Variants in CHD8 observed in about 807,000 individuals in gnomAD.
CHD8 encodes chromodomain helicase DNA binding protein 8, also known as ATP-dependent chromatin remodeler CHD8.
A neutral mutation model predicts 279.2 loss-of-function variants in CHD8; 31 were observed. That is an observed-to-expected ratio of 0.11 (90% CI 0.08 to 0.15). The LOEUF is 0.15. Ranked by LOEUF, CHD8 falls within the 10% of genes least tolerant of loss-of-function variation. CHD8 has a pLI of 1.00. For synonymous variants in CHD8, 1,081 were observed against 1,139.6 expected (o/e 0.95, Z 1.04); for missense variants, 2,146 against 3,230.5 (o/e 0.66, Z 8.14).
intron 1 of CHD8, among the ~76,000 whole-genome samples, chr14:21,432,999 T>G (rs775654530): frequency 6.6e-6 from 1 of 152,178 alleles, no homozygotes; most frequent in Non-Finnish European, 1.5e-5. Context: ...ATGTATGCAA[T>G]GTACACCCTC....
At chr14:21,437,144 G>T in intron 1 of CHD8, 2 of 1,047,032 alleles carry the variant, frequency 1.9e-6, no homozygotes, top group Non-Finnish European at 2.5e-6. Context: ...AAGCCCTGAA[G>T]GAGAAAACGA....
At chr14:21,445,103 C>T (rs1890080320) in intron 1 of CHD8, among the ~76,000 whole-genome samples, 1 of 152,186 alleles carries the variant, frequency 6.6e-6, no homozygotes, top group African/African-American at 2.4e-5. Flanking sequence ...TTTAAATTCC[C>T]ATCTTTACCT....
chr14:21,413,868 A>C (rs1443674249), intron 9 of CHD8: 1 of 155,080 alleles, frequency 6.4e-6, no homozygotes, highest in East Asian at 1.9e-4. Context: ...ATCTTGCTCC[A>C]GTGTTTAGGG....
intron 10 of CHD8, among the ~76,000 whole-genome samples, chr14:21,410,686 C>G (rs1281836514): frequency 6.6e-6 from 1 of 152,206 alleles, no homozygotes; most frequent in African/African-American, 2.4e-5. Flanking sequence ...TACTGCATCT[C>G]CATTTTTGGC....
rs549377086 is a variant in CHD8 at position 21,406,781 on chromosome 14, T to C, written c.2907+75A>G. Reference sequence around the variant, plus strand: ...TTCAGACTTTTCTTCTCTGCTAAACTAGGGTTATTTTAATACCGCAAGGAA... The same window carrying C: ...TTCAGACTTTTCTTCTCTGCTAAACCAGGGTTATTTTAATACCGCAAGGAA... On this transcript the variant is annotated intron_variant, in intron 14 of 37. Transcript: ENST00000646647. 9.6e-5 allele frequency: 127 copies of C among 1,320,560 alleles called. No individual in the cohort carries two copies. The African/African-American group carries it at 1.8e-3, about 19-fold the overall frequency. The allele number at this position is 1,320,560 out of a possible 1,614,324, so 81.8% of individuals were successfully genotyped here.
Position 21,392,765 on chromosome 14 carries a change from T to G in CHD8, c.6513A>C (p.Val2171=), listed in dbSNP as rs748929440. Residue 2171 remains valine (V), a synonymous_variant, in exon 34 of 38, where the codon GTA becomes GTC. Transcript: ENST00000646647. ...GGCTAGAAGGCCACTTCCCTGAGAG[T>G]ACAGCCTGGCAGACGAGGTCAATAC... ...INRIDLVCQA[V]LSGKWPSSRR... is the part of the protein sequence containing the mutation. The G allele has an allele frequency of 1.2e-6, 2 of 1,613,830 alleles. No individual in the cohort carries two copies. Among genetic ancestry groups the G allele is most frequent in the East Asian group, 4.5e-5 (2 of 44,872 alleles).
At chr14:21,427,481 C>T (rs965514283) in intron 4 of CHD8, 6 of 691,144 alleles carry the variant, frequency 8.7e-6, no homozygotes, top group South Asian at 5.2e-5. Context: ...TACTCTTGCA[C>T]GTCCCATCAC....
chr14:21,410,296 T>C (rs1888433763), intron 10 of CHD8, among the ~76,000 whole-genome samples: 2 of 152,218 alleles, frequency 1.3e-5, no homozygotes, highest in Admixed American at 1.3e-4. Context: ...AATCTTTTCC[T>C]ATACCATGTT....
chr14:21,437,198 A>C (rs1322278288), intron 1 of CHD8: 2 of 1,182,884 alleles, frequency 1.7e-6, no homozygotes, highest in Non-Finnish European at 2.1e-6. Flanking sequence ...CTTTACCTGC[A>C]GTGGCTGTGG....
chr14:21,391,691 AG>A, intron 35 of CHD8, 49 bp from the exon 36 acceptor site: 1 of 500,724 alleles, frequency 2.0e-6, no homozygotes, highest in Non-Finnish European at 3.9e-6. Flanking sequence ...TCTTTGGGGG[AG>A]GGAGGGAGGG....
In CHD8 at chr14:21,394,605, C is replaced by CAAAAAAAAAAAAAAAAAAAAAAAA. The variant is rs3068337; in HGVS notation, c.5391-121_5391-120insTTTTTTTTTTTTTTTTTTTTTTTT. On this transcript the variant is annotated intron_variant, in intron 30 of 37. Transcript: ENST00000646647. Reference sequence around the variant, plus strand: ...AAAACACAAAAATTGAAAGTAGACGCAAAAAAAAAAAAAAAAAAAGGCCCA... The same window carrying CAAAAAAAAAAAAAAAAAAAAAAAA: ...AAAACACAAAAATTGAAAGTAGACGCAAAAAAAAAAAAAAAAAAAAAAAAAAAAAAAAAAAAAAAAAAAGGCCCA... 1.9e-5 allele frequency: 2 copies of CAAAAAAAAAAAAAAAAAAAAAAAA among 103,764 alleles called. 1 individual carries two copies. Among genetic ancestry groups the CAAAAAAAAAAAAAAAAAAAAAAAA allele is most frequent in the Non-Finnish European group, 3.3e-5 (2 of 61,196 alleles). The allele number at this position is 103,764 out of a possible 1,614,324, so 6.4% of individuals were successfully genotyped here.
At chr14:21,447,278 T>G (rs1890148433) in intron 1 of CHD8, among the ~76,000 whole-genome samples, 1 of 152,102 alleles carries the variant, frequency 6.6e-6, no homozygotes, top group Non-Finnish European at 1.5e-5. Flanking sequence ...TTGACAGTAA[T>G]GAAATGTTAG....
rs1887950818 is a variant in CHD8, at chr14:21,399,784, A to G, written c.4818-79T>C. ...AATCCTTGCAAAGGTTATTATAGGT[A>G]TCTTCCTGTATCCATTAATTTAAAT... On this transcript the variant is annotated intron_variant, in intron 25 of 37. Coordinates refer to ENST00000646647, the MANE Select transcript of CHD8 (RefSeq NM_001170629.2). 22 of 1,042,156 alleles carry G rather than the reference A, an allele frequency of 2.1e-5. No homozygotes were observed. In the South Asian group the frequency reaches 2.7e-4, roughly 13 times the overall value. The allele number at this position is 1,042,156 out of a possible 1,614,324, so 64.6% of individuals were successfully genotyped here.
rs572070685 is a variant in CHD8 at position 21,393,628 on chromosome 14, C to T, written c.6167G>A (p.Arg2056Gln). The change falls in exon 32 of 38, where the codon CGG becomes CAG. Residue 2056 changes from arginine to glutamine, a missense_variant. Around this residue, in one of 26 missense-constraint regions of CHD8, gnomAD observed 513 missense variants for 637.6 expected, o/e 0.80. Coordinates refer to ENST00000646647, the MANE Select transcript of CHD8 (RefSeq NM_001170629.2). The stretch of plus-strand genomic sequence containing the variant: ...CTCCAGTTTGACTGGTGGAACACTC[C>T]GGGAAACCAGAGGGGTAGTATCAGA... ...SPSDTTPLVS[R>Q]SVPPVKLEDE... 65 of 1,613,908 alleles carry T rather than the reference C, an allele frequency of 4.0e-5. No individual in the cohort carries two copies. The East Asian group carries it at 8.5e-4, about 21-fold the overall frequency.
chr14:21,392,852 A>G (rs776456494), intron 33 of CHD8, 43 bp from the exon 34 acceptor site: 4 of 1,582,070 alleles, frequency 2.5e-6, no homozygotes, highest in Non-Finnish European at 3.5e-6. Flanking sequence ...GAGTCTGAGT[A>G]CTAGCTGTGT....
intron 1 of CHD8, among the ~76,000 whole-genome samples, chr14:21,455,827 C>G (rs922632672): frequency 2.0e-5 from 3 of 152,000 alleles, no homozygotes; most frequent in African/African-American, 7.2e-5. Flanking sequence ...CCCCGCGGCC[C>G]GGCAGCCACC....
At chr14:21,442,753 G>GGAGAGGGGAA (rs1890012670) in intron 1 of CHD8, among the ~76,000 whole-genome samples, 1 of 11,832 alleles carries the variant, frequency 8.5e-5, no homozygotes, top group African/African-American at 3.5e-4. Flanking sequence ...GGAGAGGGGA[G>GGAGAGGGGAA]GAGAGGGGAG....
rs367960127 is a variant in CHD8, at chr14:21,405,506, G to C, written c.3052-42C>G. The C allele has an allele frequency of 6.3e-7, 1 of 1,582,540 alleles. No individual in the cohort carries two copies. Among genetic ancestry groups the C allele is most frequent in the Non-Finnish European group, 8.6e-7 (1 of 1,165,214 alleles). ...AGAGAAAAATAAATCAATAAGATGA[G>C]GGCGAACATTCTCACATTATGTAGA... On this transcript the variant is annotated intron_variant, in intron 15 of 37. Transcript: ENST00000646647. This position sits in a 1 kb window ranked among gnomAD's most constrained non-coding sequence, Gnocchi z 4.2.
intron 5 of CHD8, among the ~76,000 whole-genome samples, chr14:21,424,298 A>G (rs1382428157): frequency 2.0e-5 from 3 of 152,180 alleles, no homozygotes; most frequent in African/African-American, 7.2e-5. Flanking sequence ...TGTTTTAATC[A>G]TATATAGTAA....
Sources: allele counts gnomAD v4.1 joint callset (sites outside exome capture counted in the v4.1 genomes callset), GRCh38; gene constraint gnomAD v4.1.1; regional missense constraint gnomAD v4.1.1; non-coding constraint Gnocchi (gnomAD v3.1); transcripts MANE v1.5; gene names NCBI Gene and HGNC (gene_info 2026-07-23, HGNC 2026-07-21).